The following APCDD1 variants were observed in gnomAD, a reference collection of about 807,000 sequenced individuals.
APCDD1 encodes protein APCDD1.
A neutral mutation model predicts 38.1 loss-of-function variants in APCDD1; 15 were observed. The observed-to-expected ratio is 0.39, with a 90% CI of 0.26 to 0.61. APCDD1 has a LOEUF of 0.61. Among genes scored for constraint, APCDD1 ranks in the 20% least tolerant of loss-of-function variants. The pLI, the probability that APCDD1 is intolerant of heterozygous loss-of-function variation, is 0.49. For synonymous variants in APCDD1, 261 were observed against 279.7 expected (o/e 0.93, Z 0.67); for missense variants, 647 against 696.2 (o/e 0.93, Z 0.79).
At position 10,469,652 on chromosome 18, in the gene APCDD1, G is replaced by A. The variant is rs1400340617; in HGVS notation, c.242+1000G>A. On this transcript the variant is annotated intron_variant, in intron 2 of 4. Coordinates refer to ENST00000355285, the MANE Select transcript of APCDD1 (RefSeq NM_153000.5). The surrounding 1 kb of genome is among the most constrained non-coding windows in gnomAD (Gnocchi z 5.5). ...AAGTGGAGGGGTTGGGGCAGCAACA[G>A]GTGCTAAAAGAGAATACCAGGGGGC... is the stretch of plus-strand genomic sequence containing the variant. 6.6e-6 allele frequency among the ~76,000 whole-genome samples: 1 copy of A among 152,192 alleles called. No homozygotes were observed. Among genetic ancestry groups the A allele is most frequent in the Non-Finnish European group, 1.5e-5 (1 of 68,046 alleles).
At chr18:10,455,396 A>G (rs1261235203) in intron 1 of APCDD1, among the ~76,000 whole-genome samples, 4 of 152,244 alleles carry the variant, frequency 2.6e-5, no homozygotes, top group African/African-American at 9.6e-5. Flanking sequence ...GTACACTGCC[A>G]TGAAATCGCC....
At chr18:10,455,129 G>C (rs1191453869) in intron 1 of APCDD1, 90 bp downstream of exon 1, 1 of 1,532,602 alleles carries the variant, frequency 6.5e-7, no homozygotes, top group Non-Finnish European at 8.8e-7. Flanking sequence ...TCTGGATCGC[G>C]GCACGGCCTA....
In APCDD1 at chr18:10,454,882, C is replaced by G; in HGVS notation, c.-100C>G. 7.8e-7 allele frequency: 1 copy of G among 1,281,912 alleles called. No individual in the cohort carries two copies. The highest frequency in any genetic ancestry group is 9.9e-7 in the Non-Finnish European group (1 of 1,006,528). 79.4% of individuals were successfully genotyped at this position (1,281,912 alleles called of 1,614,324 possible). On this transcript the variant is annotated 5_prime_UTR_variant, in exon 1 of 5. Transcript: ENST00000355285. ...AGCCGCCTGAAGCCCCGGCCTGGCCCGGCCGCACCCGGCCGGAGGCGGAGG... is the reference window on the plus strand; with the variant it reads ...AGCCGCCTGAAGCCCCGGCCTGGCCGGGCCGCACCCGGCCGGAGGCGGAGG...
chr18:10,470,657 G>C lies in APCDD1; in HGVS notation c.243-873G>C, dbSNP rs979305306. On this transcript the variant is annotated intron_variant, in intron 2 of 4. Transcript: ENST00000355285. The surrounding 1 kb of genome is among the most constrained non-coding windows in gnomAD (Gnocchi z 4.1). The stretch of plus-strand genomic sequence containing the variant: ...AAAGTCATGGCGTAACTGAGACTAG[G>C]AGCTAACAAAAGGCTAAGGCCAGGT... 6.6e-6 allele frequency among the ~76,000 whole-genome samples: 1 copy of C among 152,216 alleles called. No homozygotes were observed. The highest frequency in any genetic ancestry group is 6.5e-5 in the Admixed American group (1 of 15,280).
chr18:10,479,605 G>T (rs1287954849), intron 3 of APCDD1, among the ~76,000 whole-genome samples: 1 of 152,178 alleles, frequency 6.6e-6, no homozygotes, highest in Non-Finnish European at 1.5e-5. Flanking sequence ...GGCAGCTCTG[G>T]CCAGGAGGCA....
intron 1 of APCDD1, among the ~76,000 whole-genome samples, chr18:10,456,118 C>T (rs2030375836): frequency 1.3e-5 from 2 of 152,174 alleles, no homozygotes; most frequent in Admixed American, 1.3e-4. Context: ...CACAAGCCAC[C>T]GGGATGCTGT....
chr18:10,473,097 G>A (rs1388986292), intron 3 of APCDD1, among the ~76,000 whole-genome samples: 2 of 152,310 alleles, frequency 1.3e-5, no homozygotes, highest in African/African-American at 4.8e-5. Flanking sequence ...TTTGTTTGGT[G>A]GTTTCTTCAT....
At chr18:10,455,142 C>G in intron 1 of APCDD1, 103 bp downstream of exon 1, 1 of 1,489,048 alleles carries the variant, frequency 6.7e-7, no homozygotes, top group Non-Finnish European at 8.9e-7. Context: ...ACGGCCTACA[C>G]TGTCCCCTTG....
At chr18:10,465,675 C>T (rs991584236) in intron 1 of APCDD1, among the ~76,000 whole-genome samples, 1 of 152,178 alleles carries the variant, frequency 6.6e-6, no homozygotes, top group African/African-American at 2.4e-5. Flanking sequence ...TGCAGCAGTG[C>T]CACCAAATGC....
intron 1 of APCDD1, among the ~76,000 whole-genome samples, chr18:10,459,316 G>GCACA (rs56849201): frequency 0.23 from 33,829 of 150,130 alleles, 3,790 homozygotes; most frequent in Admixed American, 0.26. Context: ...CCACAAGCGT[G>GCACA]CACACACACA....
intron 3 of APCDD1, chr18:10,477,683 A>G (rs1218375441): frequency 2.0e-5 from 3 of 152,222 alleles, no homozygotes; most frequent in African/African-American, 7.2e-5. Flanking sequence ...GGCCATTTAA[A>G]AAGTACGCAT....
rs1248877930 is a variant in APCDD1, at chr18:10,488,059, T to TTTCCAAACCAGGA, written c.*26_*38dup. 6.2e-7 allele frequency: 1 copy of TTTCCAAACCAGGA among 1,612,358 alleles called. No individual in the cohort carries two copies. The highest frequency in any genetic ancestry group is 1.1e-5 in the South Asian group (1 of 91,062). On this transcript the variant is annotated 3_prime_UTR_variant, in exon 5 of 5. Coordinates refer to ENST00000355285, the MANE Select transcript of APCDD1 (RefSeq NM_153000.5). ...GATAGAAGTTTTAGAAAGTTCTATT[T>TTTCCAAACCAGGA]TTCCAAACCAGGATTCCTTACTATT...
chr18:10,461,942 C>T (rs919803686), intron 1 of APCDD1, among the ~76,000 whole-genome samples: 1 of 152,132 alleles, frequency 6.6e-6, no homozygotes, highest in African/African-American at 2.4e-5. Flanking sequence ...GAAAAAACTC[C>T]GTAGTCTACA....
rs1022784847 is a variant in APCDD1, at chr18:10,467,421, G to A, written c.59-1048G>A. 2.6e-5 allele frequency among the ~76,000 whole-genome samples: 4 copies of A among 152,160 alleles called. No individual in the cohort carries two copies. The highest frequency in any genetic ancestry group is 7.2e-5 in the African/African-American group (3 of 41,430). On this transcript the variant is annotated intron_variant, in intron 1 of 4. Transcript: ENST00000355285. The surrounding 1 kb of genome is among the most constrained non-coding windows in gnomAD (Gnocchi z 4.8). The stretch of plus-strand genomic sequence containing the variant: ...TTTCTGCTAACACAGGGCTAAATAC[G>A]TAGTAGGTCCGCCATAAATGCCTGT...
Position 10,472,050 on chromosome 18 carries a change from C to A in APCDD1, c.763C>A (p.Gln255Lys). 1 of 1,613,552 alleles carries A rather than the reference C, an allele frequency of 6.2e-7. No homozygotes were observed. Among genetic ancestry groups the A allele is most frequent in the Non-Finnish European group, 8.5e-7 (1 of 1,180,028 alleles). The change falls in exon 3 of 5, where the codon CAG becomes AAG. Residue 255 changes from glutamine to lysine, a missense_variant. By Grantham distance (53) the Gln-to-Lys change is moderately conservative (BLOSUM62 1). Coordinates refer to ENST00000355285, the MANE Select transcript of APCDD1 (RefSeq NM_153000.5). This position sits in a 1 kb window ranked among gnomAD's most constrained non-coding sequence, Gnocchi z 6.6. ...GCCCTCCAGTTACCAGCCCCCTCTG[C>A]AGAATGCCAAGGTACCTCAGAGCTC... is the stretch of plus-strand genomic sequence containing the variant. ...YRPSSYQPPL[Q>K]NAKNHDHACI...
In APCDD1 at chr18:10,470,773, C is replaced by A. The variant is rs1017105452; in HGVS notation, c.243-757C>A. 3.9e-5 allele frequency among the ~76,000 whole-genome samples: 6 copies of A among 152,210 alleles called. No homozygotes were observed. Among genetic ancestry groups the A allele is most frequent in the Non-Finnish European group, 7.3e-5 (5 of 68,038 alleles). ...GGCTGACAGAGCCGTTTGTGAAATC[C>A]CTCAATTCCATCCCGCTGCTGTTAT... On this transcript the variant is annotated intron_variant, in intron 2 of 4. Transcript: ENST00000355285. This position sits in a 1 kb window ranked among gnomAD's most constrained non-coding sequence, Gnocchi z 4.1.
rs1237298389 is a variant in APCDD1, at chr18:10,467,590, G to A, written c.59-879G>A. ...AGATTGTGGCCAACCTGCATGACTC[G>A]TTCTGAAGATAAGTTTACTGCTAGT... On this transcript the variant is annotated intron_variant, in intron 1 of 4. Coordinates refer to ENST00000355285, the MANE Select transcript of APCDD1 (RefSeq NM_153000.5). The surrounding 1 kb of genome is among the most constrained non-coding windows in gnomAD (Gnocchi z 4.8). Among the ~76,000 whole-genome samples the A allele has an allele frequency of 6.6e-6, 1 of 152,168 alleles. No individual in the cohort carries two copies. Among genetic ancestry groups the A allele is most frequent in the Admixed American group, 6.5e-5 (1 of 15,274 alleles).
At chr18:10,478,057 A>T (rs1448437000) in intron 3 of APCDD1, among the ~76,000 whole-genome samples, 1 of 152,154 alleles carries the variant, frequency 6.6e-6, no homozygotes. Flanking sequence ...CAGAAGGCTA[A>T]TGTTGCTCTT....
At position 10,488,616 on chromosome 18, in the gene APCDD1, A is replaced by C. The variant is rs1028172637; in HGVS notation, c.*578A>C. ...CAAACCACCTTCCCAGCCTTTATGC[A>C]AAAAAAGGGGAGAATCAAAGCTTTC... On this transcript the variant is annotated 3_prime_UTR_variant, in exon 5 of 5. Transcript: ENST00000355285. The C allele has an allele frequency of 1.3e-5, 2 of 152,288 alleles. No homozygotes were observed. Among genetic ancestry groups the C allele is most frequent in the African/African-American group, 4.8e-5 (2 of 41,444 alleles). The allele number at this position is 152,288 out of a possible 1,614,324, so 9.4% of individuals were successfully genotyped here. A position where few individuals can be genotyped will look rare whatever the true frequency, so the allele number is the denominator to read the frequency against.
Sources: allele counts gnomAD v4.1 joint callset (sites outside exome capture counted in the v4.1 genomes callset), GRCh38; gene constraint gnomAD v4.1.1; non-coding constraint Gnocchi (gnomAD v3.1); transcripts MANE v1.5; gene names NCBI Gene and HGNC (gene_info 2026-07-23, HGNC 2026-07-21).